Variants in HIVEP1 observed in about 807,000 individuals in gnomAD.
HIVEP1 encodes the protein HIVEP zinc finger 1.
In HIVEP1, 36 loss-of-function variants were observed where a neutral mutation model predicts 180.0. The observed-to-expected ratio is 0.20, with a 90% CI of 0.15 to 0.26. The LOEUF is 0.26. Among genes scored for constraint, HIVEP1 ranks in the 10% least tolerant of loss-of-function variants. The pLI, the probability that HIVEP1 is intolerant of heterozygous loss-of-function variation, is 1.00. For missense variants in HIVEP1, 3,143 were observed against 3,268.7 expected (o/e 0.96, Z 0.94); for synonymous variants, 1,239 against 1,239.0 (o/e 1.00, Z 0.00).
At chr6:12,013,753 CA>C (rs1767549648) in intron 1 of HIVEP1, among the ~76,000 whole-genome samples, 1 of 152,156 alleles carries the variant, frequency 6.6e-6, no homozygotes, top group Admixed American at 6.5e-5. Flanking sequence ...TTCTTTAGAG[CA>C]AGGAGCTGAG....
At chr6:12,181,061 A>C in the HIVEP1 span, among the ~76,000 whole-genome samples, 2 of 152,176 alleles carry the variant, frequency 1.3e-5, no homozygotes, top group Non-Finnish European at 2.9e-5. Context: ...TTTGTAACTT[A>C]AGCAAAATTT....
chr6:12,022,205 CTG>C (rs1768274520), intron 2 of HIVEP1, among the ~76,000 whole-genome samples: 1 of 151,056 alleles, frequency 6.6e-6, no homozygotes, highest in Admixed American at 6.6e-5. Context: ...GAGTTTCACT[CTG>C]TCACCCAGGC....
intron 7 of HIVEP1, among the ~76,000 whole-genome samples, chr6:12,156,259 C>G (rs978602790): frequency 6.6e-6 from 1 of 151,972 alleles, no homozygotes; most frequent in East Asian, 1.9e-4. Flanking sequence ...TTAATTAGAC[C>G]CCATTTGTCA....
chr6:12,181,067 A>C, the HIVEP1 span, among the ~76,000 whole-genome samples: 1 of 152,132 alleles, frequency 6.6e-6, no homozygotes, highest in Non-Finnish European at 1.5e-5. Context: ...ACTTAAGCAA[A>C]ATTTTTTTTA....
intron 4 of HIVEP1, among the ~76,000 whole-genome samples, chr6:12,129,241 G>A (rs1376096819): frequency 6.6e-6 from 1 of 152,164 alleles, no homozygotes; most frequent in Admixed American, 6.5e-5. Flanking sequence ...AATGGAGGAA[G>A]AAAAAGTAAA....
Position 12,079,602 on chromosome 6 carries a change from T to C in HIVEP1, c.41-9582T>C, listed in dbSNP as rs1772632813. On this transcript the variant is annotated intron_variant, in intron 2 of 8. Coordinates refer to ENST00000379388, the MANE Select transcript of HIVEP1 (RefSeq NM_002114.4). ...CCTTAACTACTTGCATTTTATACAA[T>C]TTTGAATCTTGACCAGATAATATCT... Among the ~76,000 whole-genome samples the C allele has an allele frequency of 2.6e-5, 4 of 152,196 alleles. No homozygotes were observed. In the South Asian group the frequency reaches 8.3e-4, roughly 31 times the overall value.
Position 12,108,178 on chromosome 6 carries a change from C to G in HIVEP1, c.95-11712C>G, listed in dbSNP as rs547802711. Reference sequence around the variant, plus strand: ...TACAGAGTGTCAATTGGTGCATTCACAAACCCTGAGCTAGACACAGGGTGC... The same window carrying G: ...TACAGAGTGTCAATTGGTGCATTCAGAAACCCTGAGCTAGACACAGGGTGC... On this transcript the variant is annotated intron_variant, in intron 3 of 8. Transcript: ENST00000379388. Among the ~76,000 whole-genome samples, 7 of 152,334 alleles carry G rather than the reference C, an allele frequency of 4.6e-5. No individual in the cohort carries two copies. The East Asian group carries it at 1.3e-3, about 29-fold the overall frequency.
intron 2 of HIVEP1, among the ~76,000 whole-genome samples, chr6:12,032,973 GTGA>G (rs1049037191): frequency 6.6e-6 from 1 of 152,194 alleles, no homozygotes; most frequent in African/African-American, 2.4e-5. Flanking sequence ...GTGCTTACAA[GTGA>G]TGATGAAACT....
intron 2 of HIVEP1, among the ~76,000 whole-genome samples, chr6:12,065,551 A>G (rs1272814032): frequency 6.6e-6 from 1 of 152,124 alleles, no homozygotes; most frequent in Non-Finnish European, 1.5e-5. Flanking sequence ...TCTGGAGGCA[A>G]ATCTGCCTGG....
the HIVEP1 span, among the ~76,000 whole-genome samples, chr6:12,170,818 A>G: frequency 6.6e-6 from 1 of 152,326 alleles, no homozygotes; most frequent in South Asian, 2.1e-4. Context: ...TAATGTGTTA[A>G]TAACTTACGG....
At chr6:12,065,136 T>C (rs948659118) in intron 2 of HIVEP1, among the ~76,000 whole-genome samples, 1 of 152,162 alleles carries the variant, frequency 6.6e-6, no homozygotes, top group African/African-American at 2.4e-5. Context: ...GTGCAATGTA[T>C]AGGGAGGCAA....
chr6:12,108,156 A>T (rs919636630), intron 3 of HIVEP1, among the ~76,000 whole-genome samples: 4 of 152,290 alleles, frequency 2.6e-5, no homozygotes, highest in African/African-American at 9.6e-5. Flanking sequence ...AGCTAGATAC[A>T]GAGTGTCAAT....
chr6:12,136,724 G>T (rs1758725371), intron 7 of HIVEP1, among the ~76,000 whole-genome samples: 1 of 152,102 alleles, frequency 6.6e-6, no homozygotes, highest in Non-Finnish European at 1.5e-5. Flanking sequence ...ATTCCGAAAA[G>T]GTTAAATGGC....
At chr6:12,053,256 G>A (rs1234899752) in intron 2 of HIVEP1, among the ~76,000 whole-genome samples, 2 of 151,900 alleles carry the variant, frequency 1.3e-5, no homozygotes, top group Non-Finnish European at 2.9e-5. Flanking sequence ...TGTGTGTAGG[G>A]ATATTTTGTG....
chr6:12,190,970 A>G, the HIVEP1 span, among the ~76,000 whole-genome samples: 1 of 152,186 alleles, frequency 6.6e-6, no homozygotes, highest in Non-Finnish European at 1.5e-5. Flanking sequence ...AAGATGCCAA[A>G]TATTTTCTAC....
At chr6:12,129,987 T>C in intron 5 of HIVEP1, 95 bp downstream of exon 5, 1 of 794,382 alleles carries the variant, frequency 1.3e-6, no homozygotes, top group South Asian at 1.7e-5. Flanking sequence ...GCCAATTTAG[T>C]ATCGATGTTG....
intron 3 of HIVEP1, among the ~76,000 whole-genome samples, chr6:12,102,560 C>G (rs1448554310): frequency 6.6e-6 from 1 of 152,154 alleles, no homozygotes; most frequent in Non-Finnish European, 1.5e-5. Context: ...AGACTAGGAA[C>G]ATTGCTGTCA....
At chr6:12,196,834 A>G in the HIVEP1 span, among the ~76,000 whole-genome samples, 3 of 152,216 alleles carry the variant, frequency 2.0e-5, no homozygotes, top group African/African-American at 7.2e-5. Context: ...TCATTTAACT[A>G]AGATTTATTT....
At chr6:12,083,414 T>C (rs1278647927) in intron 2 of HIVEP1, among the ~76,000 whole-genome samples, 2 of 152,182 alleles carry the variant, frequency 1.3e-5, no homozygotes, top group African/African-American at 4.8e-5. Context: ...GCAGTTCATT[T>C]ATTAGACAAC....
Sources: allele counts gnomAD v4.1 joint callset (sites outside exome capture counted in the v4.1 genomes callset), GRCh38; gene constraint gnomAD v4.1.1; transcripts MANE v1.5; gene names NCBI Gene and HGNC (gene_info 2026-07-23, HGNC 2026-07-21).